The following DNER variants were observed in gnomAD, a reference collection of about 807,000 sequenced individuals.
The protein encoded by DNER is delta/notch like EGF repeat containing.
In DNER, 33 loss-of-function variants were observed where a neutral mutation model predicts 78.2. The ratio of observed to expected loss-of-function variants is 0.42; its 90% confidence interval spans 0.32 to 0.56. The LOEUF is 0.56. DNER is among the 20% of genes least tolerant of loss of function. The pLI, the probability that DNER is intolerant of heterozygous loss-of-function variation, is 0.11. For missense variants in DNER, 918 were observed against 975.3 expected, an observed-to-expected ratio of 0.94 and a Z score of 0.78; for synonymous variants, 417 against 384.8, an observed-to-expected ratio of 1.08 and a Z score of -0.98.
chr2:229,560,037 G>A lies in DNER; in HGVS notation c.848-12945C>T, dbSNP rs139850967. Among the ~76,000 whole-genome samples the A allele has an allele frequency of 6.2e-3, 945 of 152,286 alleles. 17 individuals carry two copies. The highest frequency in any genetic ancestry group is 0.014 in the Admixed American group (216 of 15,298). ...GCAAAGCTGAGGACAACCAAAAGGG[G>A]CTCCAGTCATTATCTCTGGAATGGA... On this transcript the variant is annotated intron_variant, in intron 4 of 12. Coordinates refer to ENST00000341772, the MANE Select transcript of DNER (RefSeq NM_139072.4).
intron 1 of DNER, among the ~76,000 whole-genome samples, chr2:229,617,713 G>A (rs2154215388): frequency 6.6e-6 from 1 of 152,286 alleles, no homozygotes; most frequent in Middle Eastern, 3.4e-3. Context: ...CTGCACTTTG[G>A]GAGGCCAACA....
rs370947900 is a variant in DNER at position 229,591,716 on chromosome 2, G to A, written c.449C>T (p.Pro150Leu). 65 of 1,614,052 alleles carry A rather than the reference G, an allele frequency of 4.0e-5. No individual in the cohort carries two copies. The highest frequency in any genetic ancestry group is 5.3e-5 in the Non-Finnish European group (62 of 1,180,046). ...PATGWTESMA[P>L]RQLQPVPATQ... is the part of the protein sequence containing the mutation. ...AGCAGGAACAGGCTGAAGCTGTCGG[G>A]GTGCCATGGATTCGGTCCAGCCAGT... is the stretch of plus-strand genomic sequence containing the variant. The change falls in exon 2 of 13, where the codon CCC becomes CTC. Residue 150 changes from proline (P) to leucine (L), a missense_variant. By Grantham distance (98) the Pro-to-Leu change is moderately conservative. Coordinates refer to ENST00000341772, the MANE Select transcript of DNER (RefSeq NM_139072.4). The surrounding 1 kb of genome is among the most constrained non-coding windows in gnomAD (Gnocchi z 4.6).
chr2:229,587,179 TTTTAAGAGTAAAGGAA>T (rs1697518240), intron 3 of DNER: 2 of 169,260 alleles, frequency 1.2e-5, no homozygotes, highest in South Asian at 3.9e-4. Flanking sequence ...CCGAGAGATG[TTTTAAGAGTAAAGGAA>T]ACTAGAGATC....
chr2:229,371,568 A>G (rs1354526431), intron 11 of DNER, among the ~76,000 whole-genome samples: 1 of 152,250 alleles, frequency 6.6e-6, no homozygotes, highest in African/African-American at 2.4e-5. Flanking sequence ...TAAGCATTTC[A>G]GTTGGCCCTA....
At chr2:229,471,046 A>C (rs1170410967) in intron 7 of DNER, among the ~76,000 whole-genome samples, 1 of 91,980 alleles carries the variant, frequency 1.1e-5, no homozygotes, top group Non-Finnish European at 3.1e-5. Context: ...TGTTAATTTT[A>C]TGAGGGTATG....
At position 229,592,688 on chromosome 2, in the gene DNER, T is replaced by A. The variant is rs563175828; in HGVS notation, c.277-800A>T. On this transcript the variant is annotated intron_variant, in intron 1 of 12. Transcript: ENST00000341772. ...CATGTGTTGGTAGTTGCAGACACGCTACAAAACAATGTGAAAAAATCACCT... is the reference window on the plus strand; with the variant it reads ...CATGTGTTGGTAGTTGCAGACACGCAACAAAACAATGTGAAAAAATCACCT... 6.0e-5 allele frequency among the ~76,000 whole-genome samples: 9 copies of A among 150,568 alleles called. No homozygotes were observed. In the South Asian group the frequency reaches 1.0e-3, roughly 17 times the overall value.
At chr2:229,504,341 T>C (rs930791240) in intron 6 of DNER, among the ~76,000 whole-genome samples, 2 of 152,172 alleles carry the variant, frequency 1.3e-5, no homozygotes, top group African/African-American at 4.8e-5. Context: ...TGCCTCAGCC[T>C]CCCAAGTAAC....
At chr2:229,711,475 T>C (rs1699911722) in intron 1 of DNER, among the ~76,000 whole-genome samples, 1 of 152,160 alleles carries the variant, frequency 6.6e-6, no homozygotes, top group African/African-American at 2.4e-5. Context: ...AAAAGAAGCA[T>C]GTCCTAGACC....
At chr2:229,470,488 C>CAAA (rs926665273) in intron 7 of DNER, among the ~76,000 whole-genome samples, 7 of 145,224 alleles carry the variant, frequency 4.8e-5, no homozygotes, top group Admixed American at 3.5e-4. Context: ...AACTGCTATG[C>CAAA]AAAAAATAAT....
At chr2:229,653,693 T>C (rs1433142654) in intron 1 of DNER, among the ~76,000 whole-genome samples, 1 of 152,140 alleles carries the variant, frequency 6.6e-6, no homozygotes, top group African/African-American at 2.4e-5. Context: ...CTAAAGGCAA[T>C]GGAGTAAAAC....
chr2:229,380,446 A>G (rs1692710707), intron 11 of DNER, among the ~76,000 whole-genome samples: 1 of 152,220 alleles, frequency 6.6e-6, no homozygotes, highest in Admixed American at 6.5e-5. Flanking sequence ...AGCAGGTGAC[A>G]GAGCGCGGAA....
At chr2:229,528,171 C>T (rs1696240610) in intron 5 of DNER, among the ~76,000 whole-genome samples, 1 of 152,182 alleles carries the variant, frequency 6.6e-6, no homozygotes, top group Non-Finnish European at 1.5e-5. Flanking sequence ...AATTACAATC[C>T]CTTCTGTTGG....
intron 4 of DNER, among the ~76,000 whole-genome samples, chr2:229,548,768 C>A (rs1014192588): frequency 2.6e-5 from 4 of 151,984 alleles, no homozygotes; most frequent in Admixed American, 2.0e-4. Flanking sequence ...AACAAACAAA[C>A]AAAAAAACCT....
intron 4 of DNER, among the ~76,000 whole-genome samples, chr2:229,570,636 A>AAT (rs1355382478): frequency 1.3e-5 from 2 of 151,728 alleles, no homozygotes; most frequent in African/African-American, 4.8e-5. Context: ...AAAAAAAAAA[A>AAT]AATCAAGAGT....
At chr2:229,598,157 C>T (rs1697759060) in intron 1 of DNER, among the ~76,000 whole-genome samples, 1 of 152,198 alleles carries the variant, frequency 6.6e-6, no homozygotes, top group African/African-American at 2.4e-5. Context: ...TAGGGTTGCT[C>T]GAAGTGTGGA....
intron 7 of DNER, among the ~76,000 whole-genome samples, chr2:229,458,525 G>C (rs1694626421): frequency 6.6e-6 from 1 of 151,752 alleles, no homozygotes; most frequent in Admixed American, 6.6e-5. Context: ...CATTTTAATA[G>C]ATACAGAAAA....
Position 229,447,305 on chromosome 2 carries a change from G to T in DNER, c.1486+11C>A, listed in dbSNP as rs750766038. 8 of 1,584,776 alleles carry T rather than the reference G, an allele frequency of 5.0e-6. No homozygotes were observed. The South Asian group carries it at 9.2e-5, about 18-fold the overall frequency. ...GAAAAGGAAGATGTACTGTGTAGGGGCGGTACCCACCTGGATCACAGAGGC... is the reference window on the plus strand; with the variant it reads ...GAAAAGGAAGATGTACTGTGTAGGGTCGGTACCCACCTGGATCACAGAGGC... On this transcript the variant is annotated intron_variant, in intron 8 of 12. Coordinates refer to ENST00000341772, the MANE Select transcript of DNER (RefSeq NM_139072.4).
At chr2:229,489,156 C>T (rs931581914) in intron 6 of DNER, among the ~76,000 whole-genome samples, 3 of 152,210 alleles carry the variant, frequency 2.0e-5, no homozygotes, top group African/African-American at 4.8e-5. Context: ...GCCCTGGCTT[C>T]GTAAGTATCA....
In DNER at chr2:229,512,846, C is replaced by A. The variant is rs765060539; in HGVS notation, c.1084G>T (p.Ala362Ser). The change falls in exon 6 of 13, where the codon GCG becomes TCG. Residue 362 changes from alanine (A) to serine (S), a missense_variant. Physicochemically the swap from Ala to Ser is moderately conservative, Grantham distance 99. Coordinates refer to ENST00000341772, the MANE Select transcript of DNER (RefSeq NM_139072.4). ...ACQRKPCQNNASCIDANEKQD... is the reference protein window; with the variant it reads ...ACQRKPCQNNSSCIDANEKQD... ...TTTTCATTTGCATCAATACAGCTCG[C>A]GTTGTTTTGGCAAGGTTTCCTCTGG... The A allele has an allele frequency of 1.9e-6, 3 of 1,614,012 alleles. No individual in the cohort carries two copies. The highest frequency in any genetic ancestry group is 1.7e-6 in the Non-Finnish European group (2 of 1,180,004).
Sources: gnomAD v4.1 joint callset for allele counts (sites outside exome capture counted in the v4.1 genomes callset) on GRCh38, gnomAD v4.1.1 for gene constraint, Gnocchi (gnomAD v3.1) non-coding constraint, MANE v1.5 for transcripts, NCBI Gene and HGNC (gene_info 2026-07-23, HGNC 2026-07-21) for gene names.